Variants in TPRG1 observed in about 807,000 individuals in gnomAD.
The protein encoded by TPRG1 is tumor protein p63-regulated gene 1 protein.
A neutral mutation model predicts 29.3 loss-of-function variants in TPRG1; 29 were observed. The ratio of observed to expected loss-of-function variants is 0.99; its 90% CI spans 0.74 to 1.35. The LOEUF (loss-of-function observed/expected upper bound fraction) is 1.35, where lower values mean the gene tolerates loss of function less well. TPRG1 is among the 40% of genes most tolerant of loss of function. The pLI, the probability that TPRG1 is intolerant of heterozygous loss-of-function variation, is 0.00. For missense variants in TPRG1, 327 were observed against 335.0 expected (o/e 0.98, Z 0.19); for synonymous variants, 130 against 116.8 (o/e 1.11, Z -0.73).
chr3:189,080,004 C>A (rs549262290), intron 4 of TPRG1, among the ~76,000 whole-genome samples: 1 of 151,996 alleles, frequency 6.6e-6, no homozygotes, highest in African/African-American at 2.4e-5. Context: ...GTTGGATGCA[C>A]GTTGTATAGC....
At chr3:189,186,350 A>T (rs1308076926) in intron 1 of TPRG1, among the ~76,000 whole-genome samples, 2 of 152,202 alleles carry the variant, frequency 1.3e-5, no homozygotes, top group Non-Finnish European at 2.9e-5. Flanking sequence ...TGAAGTGCTG[A>T]TCTCATTGCT....
intron 4 of TPRG1, among the ~76,000 whole-genome samples, chr3:189,054,247 A>C (rs1560416790): frequency 6.6e-6 from 1 of 152,108 alleles, no homozygotes; most frequent in Non-Finnish European, 1.5e-5. Flanking sequence ...GGACGGGAGG[A>C]TGACCAGTTG....
At chr3:189,110,824 T>C (rs1046411293) in intron 1 of TPRG1, among the ~76,000 whole-genome samples, 2 of 151,956 alleles carry the variant, frequency 1.3e-5, no homozygotes, top group Non-Finnish European at 2.9e-5. Flanking sequence ...AAGACTACCC[T>C]TTCTTTACTG....
At chr3:189,299,596 T>A (rs1262264332) in intron 4 of TPRG1, among the ~76,000 whole-genome samples, 2 of 151,436 alleles carry the variant, frequency 1.3e-5, no homozygotes, top group South Asian at 4.2e-4. Context: ...CTCTGAGGAA[T>A]GGGCATTTTT....
intron 4 of TPRG1, among the ~76,000 whole-genome samples, chr3:189,299,187 A>T (rs1212831777): frequency 2.0e-5 from 3 of 152,088 alleles, no homozygotes; most frequent in Admixed American, 2.0e-4. Context: ...ACCTGAGGCC[A>T]GTGATTTGCC....
At chr3:189,068,291 T>A (rs2152149230) in intron 4 of TPRG1, among the ~76,000 whole-genome samples, 2 of 152,288 alleles carry the variant, frequency 1.3e-5, no homozygotes, top group South Asian at 2.1e-4. Flanking sequence ...TACCAGATGA[T>A]TCAGCAATGC....
chr3:189,324,444 A>T lies in TPRG1; in HGVS notation c.*3624A>T, dbSNP rs1325046879. The T allele has an allele frequency of 6.6e-6, 1 of 152,138 alleles. No homozygotes were observed. Among genetic ancestry groups the T allele is most frequent in the African/African-American group, 2.4e-5 (1 of 41,428 alleles). 9.4% of individuals were successfully genotyped at this position (152,138 alleles called of 1,614,324 possible). The stretch of plus-strand genomic sequence containing the variant: ...CTGAATTGATGTATCGTAGTTGTTG[A>T]GATAATTTTGAAATGAGAAAACAAT... On this transcript the variant is annotated 3_prime_UTR_variant, in exon 6 of 6. Coordinates refer to ENST00000345063, the MANE Select transcript of TPRG1 (RefSeq NM_198485.4).
chr3:189,035,393 A>T (rs1714197349), intron 4 of TPRG1, among the ~76,000 whole-genome samples: 1 of 152,194 alleles, frequency 6.6e-6, no homozygotes, highest in East Asian at 1.9e-4. Context: ...TTTATGACTA[A>T]GTCCCCAAAA....
intron 4 of TPRG1, among the ~76,000 whole-genome samples, chr3:189,026,877 C>T (rs778661236): frequency 1.3e-5 from 2 of 152,064 alleles, no homozygotes; most frequent in African/African-American, 2.4e-5. Context: ...GGCAACATGG[C>T]GTGTTTGTTG....
At chr3:189,203,993 A>C (rs1432640271) in intron 1 of TPRG1, among the ~76,000 whole-genome samples, 1 of 142,086 alleles carries the variant, frequency 7.0e-6, no homozygotes, top group Non-Finnish European at 1.5e-5. Flanking sequence ...GTGAGCCTAG[A>C]TCGTGCCACT....
chr3:189,306,493 A>G (rs1193910125), intron 4 of TPRG1, among the ~76,000 whole-genome samples: 2 of 152,168 alleles, frequency 1.3e-5, no homozygotes, highest in Admixed American at 6.5e-5. Flanking sequence ...CCTCTGTGCT[A>G]GAGATTTGCT....
rs73053441 is a variant in TPRG1, at chr3:189,101,209, T to G, written c.-744+1005T>G. ...TGTTCATGCCAGCGAACCCTCACAGTTTTAGTCTCTTTATAGAGTTCCTTC... is the reference window on the plus strand; with the variant it reads ...TGTTCATGCCAGCGAACCCTCACAGGTTTAGTCTCTTTATAGAGTTCCTTC... On this transcript the variant is annotated intron_variant, in intron 1 of 6. Coordinates refer to the TPRG1 transcript ENST00000412373. Among the ~76,000 whole-genome samples, 1,339 of 152,236 alleles carry G rather than the reference T, an allele frequency of 8.8e-3. 13 individuals are homozygous for G. The highest frequency in any genetic ancestry group is 0.031 in the African/African-American group (1,281 of 41,528).
At chr3:189,064,778 A>C (rs1411541985) in intron 4 of TPRG1, among the ~76,000 whole-genome samples, 1 of 152,218 alleles carries the variant, frequency 6.6e-6, no homozygotes, top group South Asian at 2.1e-4. Context: ...CAACTAAAAA[A>C]ATACACAAAT....
chr3:189,075,632 A>G (rs1225337422), intron 4 of TPRG1, among the ~76,000 whole-genome samples: 2 of 151,454 alleles, frequency 1.3e-5, no homozygotes, highest in African/African-American at 2.5e-5. Context: ...GTCTGATTTT[A>G]TAATGGCATT....
At chr3:189,219,594 G>A (rs1203278214) in intron 3 of TPRG1, 1 of 1,287,972 alleles carries the variant, frequency 7.8e-7, no homozygotes, top group Non-Finnish European at 1.0e-6. Flanking sequence ...CAGCACCAAG[G>A]AGAACATCTT....
intron 3 of TPRG1, among the ~76,000 whole-genome samples, chr3:189,021,844 T>C (rs1713332378): frequency 6.6e-6 from 1 of 152,238 alleles, no homozygotes; most frequent in African/African-American, 2.4e-5. Flanking sequence ...CTTGGTTCCA[T>C]TCTCCCCATC....
intron 5 of TPRG1, among the ~76,000 whole-genome samples, chr3:189,319,137 G>A (rs893633289): frequency 6.6e-6 from 1 of 152,080 alleles, no homozygotes; most frequent in African/African-American, 2.4e-5. Flanking sequence ...CCTACTCTCT[G>A]TCCCATATCC....
chr3:189,129,324 A>G (rs1410716635), intron 2 of TPRG1, among the ~76,000 whole-genome samples: 1 of 152,078 alleles, frequency 6.6e-6, no homozygotes, highest in African/African-American at 2.4e-5. Flanking sequence ...TTTTCTTGGG[A>G]CTATACTGAA....
At chr3:189,235,756 G>A (rs1739358508) in intron 3 of TPRG1, among the ~76,000 whole-genome samples, 1 of 152,154 alleles carries the variant, frequency 6.6e-6, no homozygotes, top group Non-Finnish European at 1.5e-5. Context: ...CACTATGCCT[G>A]GATATGGTGT....
Sources: allele counts gnomAD v4.1 joint callset (sites outside exome capture counted in the v4.1 genomes callset), GRCh38; gene constraint gnomAD v4.1.1; transcripts MANE v1.5; gene names NCBI Gene and HGNC (gene_info 2026-07-23, HGNC 2026-07-21).